PTPRG: variants seen among roughly 807,000 people sequenced by gnomAD.
PTPRG encodes receptor-type tyrosine-protein phosphatase gamma.
Under a neutral mutation model 165.3 loss-of-function variants are expected in PTPRG, and 102 were observed. The observed-to-expected ratio is 0.62, with a 90% CI of 0.53 to 0.73. The LOEUF is 0.73. Among genes scored for constraint, PTPRG ranks in the 30% least tolerant of loss-of-function variants. The pLI is 0.00. For missense variants in PTPRG, 1,866 were observed against 1,861.4 expected (o/e 1.00, Z -0.05); for synonymous variants, 675 against 669.5 (o/e 1.01, Z -0.13).
chr3:61,885,315 A>G (rs1165373690), intron 2 of PTPRG, among the ~76,000 whole-genome samples: 1 of 152,020 alleles, frequency 6.6e-6, no homozygotes, highest in Non-Finnish European at 1.5e-5. Context: ...CTTTTTTACT[A>G]CTGTAGAATA....
chr3:61,841,810 T>TCAAAAA (rs904939512), intron 2 of PTPRG, among the ~76,000 whole-genome samples: 107 of 151,616 alleles, frequency 7.1e-4, no homozygotes, highest in African/African-American at 2.3e-3. Flanking sequence ...AGACTCCATC[T>TCAAAAA]CAAAAACAAA....
chr3:61,979,982 T>TC, intron 2 of PTPRG, among the ~76,000 whole-genome samples: 1 of 152,162 alleles, frequency 6.6e-6, no homozygotes, highest in Admixed American at 6.5e-5. Flanking sequence ...ATACAGACCC[T>TC]CAGCCCTCCT....
chr3:61,731,897 GTTCAAGGGA>G (rs1306930535), intron 1 of PTPRG, among the ~76,000 whole-genome samples: 1 of 151,766 alleles, frequency 6.6e-6, no homozygotes, highest in Non-Finnish European at 1.5e-5. Context: ...CACCTCCCAG[GTTCAAGGGA>G]TTCTCCTGCT....
intron 1 of PTPRG, among the ~76,000 whole-genome samples, chr3:61,668,186 T>C (rs188292417): frequency 3.6e-4 from 55 of 152,312 alleles, no homozygotes; most frequent in Non-Finnish European, 6.6e-4. Flanking sequence ...AACAAATTTT[T>C]AAAAATCTTA....
At chr3:62,038,747 A>G (rs1477915707) in intron 4 of PTPRG, among the ~76,000 whole-genome samples, 2 of 152,158 alleles carry the variant, frequency 1.3e-5, no homozygotes, top group South Asian at 2.1e-4. Flanking sequence ...AAATGAGCCT[A>G]TGTACATATA....
intron 1 of PTPRG, among the ~76,000 whole-genome samples, chr3:61,576,442 C>G (rs1700175559): frequency 6.6e-6 from 1 of 152,166 alleles, no homozygotes; most frequent in Non-Finnish European, 1.5e-5. Context: ...TTCTTCCTGT[C>G]CCTGTGTGTT....
intron 2 of PTPRG, among the ~76,000 whole-genome samples, chr3:61,813,905 T>TTTTTTTTTTTTTTG (rs1553673997): frequency 6.8e-6 from 1 of 147,194 alleles, no homozygotes. Flanking sequence ...TTTTTTTTTT[T>TTTTTTTTTTTTTTG]GGGGGGGGTT....
chr3:62,288,087 G>A (rs1702738357), intron 28 of PTPRG, among the ~76,000 whole-genome samples: 1 of 148,680 alleles, frequency 6.7e-6, no homozygotes, highest in South Asian at 2.1e-4. Flanking sequence ...AAAACTAAAT[G>A]ATGATGAAGG....
At chr3:61,757,469 C>G (rs967008543) in intron 2 of PTPRG, among the ~76,000 whole-genome samples, 1 of 151,998 alleles carries the variant, frequency 6.6e-6, no homozygotes, top group Non-Finnish European at 1.5e-5. Context: ...AAAGCAAAAA[C>G]CTTTTTGTCT....
At chr3:61,613,748 A>C (rs1263278993) in intron 1 of PTPRG, among the ~76,000 whole-genome samples, 1 of 152,198 alleles carries the variant, frequency 6.6e-6, no homozygotes, top group African/African-American at 2.4e-5. Context: ...AGACCTCCTA[A>C]TAGAAGAGGG....
chr3:61,950,050 C>T (rs1401172666), intron 2 of PTPRG, among the ~76,000 whole-genome samples: 1 of 152,142 alleles, frequency 6.6e-6, no homozygotes. Flanking sequence ...CCGGCCAAGC[C>T]TTTAGTTTTT....
chr3:61,751,746 T>G (rs1458824137), intron 2 of PTPRG, among the ~76,000 whole-genome samples: 1 of 152,114 alleles, frequency 6.6e-6, no homozygotes, highest in Admixed American at 6.5e-5. Flanking sequence ...ATCCCAGCAC[T>G]TTGGGAGGCC....
intron 13 of PTPRG, among the ~76,000 whole-genome samples, chr3:62,220,652 AG>A (rs2106891314): frequency 6.6e-6 from 1 of 152,302 alleles, no homozygotes; most frequent in South Asian, 2.1e-4. Context: ...GGGTGAGCAT[AG>A]GAACACTAGA....
chr3:61,816,719 C>T (rs987032406), intron 2 of PTPRG, among the ~76,000 whole-genome samples: 5 of 151,764 alleles, frequency 3.3e-5, no homozygotes, highest in Non-Finnish European at 7.4e-5. Flanking sequence ...ACATGGATGG[C>T]TGTTTTTGCA....
At chr3:62,220,873 C>A (rs1307030126) in intron 13 of PTPRG, among the ~76,000 whole-genome samples, 1 of 152,134 alleles carries the variant, frequency 6.6e-6, no homozygotes, top group Non-Finnish European at 1.5e-5. Flanking sequence ...ACAGCTGCCA[C>A]AGCATAAAGA....
intron 1 of PTPRG, among the ~76,000 whole-genome samples, chr3:61,573,571 C>T (rs149448090): frequency 9.9e-5 from 15 of 152,260 alleles, no homozygotes; most frequent in East Asian, 3.9e-4. Context: ...CACCGTGATA[C>T]GCAATACATT....
Position 61,749,582 on chromosome 3 carries a change from A to C in PTPRG, c.190+600A>C, listed in dbSNP as rs547488817. ...GTTACATTGCAAATAATTTTCTTACATTTTAAGGGGACAAAAATGAAGACC... is the reference window on the plus strand; with the variant it reads ...GTTACATTGCAAATAATTTTCTTACCTTTTAAGGGGACAAAAATGAAGACC... On this transcript the variant is annotated intron_variant, in intron 2 of 29. Transcript: ENST00000474889. 37 of 155,288 alleles carry C rather than the reference A, an allele frequency of 2.4e-4. No individual in the cohort carries two copies. The South Asian group carries it at 6.6e-3, about 28-fold the overall frequency. The allele number at this position is 155,288 out of a possible 1,614,324, so 9.6% of individuals were successfully genotyped here.
At chr3:62,067,710 A>G (rs1230415119) in intron 4 of PTPRG, among the ~76,000 whole-genome samples, 1 of 152,102 alleles carries the variant, frequency 6.6e-6, no homozygotes. Context: ...CGCAGTTCAT[A>G]ATAGGGTTTA....
chr3:61,912,708 G>A (rs2038833374), intron 2 of PTPRG, among the ~76,000 whole-genome samples: 2 of 152,210 alleles, frequency 1.3e-5, no homozygotes, highest in Admixed American at 1.3e-4. Flanking sequence ...CCAAGATTTG[G>A]GAGGTTGGCA....
Sources: gnomAD v4.1 joint callset for allele counts (sites outside exome capture counted in the v4.1 genomes callset) on GRCh38, gnomAD v4.1.1 for gene constraint, MANE v1.5 for transcripts, NCBI Gene and HGNC (gene_info 2026-07-23, HGNC 2026-07-21) for gene names.